The following DCDC2 variants were observed in gnomAD, a reference collection of about 807,000 sequenced individuals.
DCDC2 encodes doublecortin domain containing 2, also known as doublecortin domain-containing protein 2.
Under a neutral mutation model 50.2 loss-of-function variants are expected in DCDC2, and 40 were observed. That is an observed-to-expected ratio of 0.80 (90% CI 0.62 to 1.04). The LOEUF (loss-of-function observed/expected upper bound fraction) is 1.04. DCDC2 is among the 50% of genes least tolerant of loss of function. The pLI is 0.00. For synonymous variants in DCDC2, 234 were observed against 210.6 expected, an observed-to-expected ratio of 1.11 and a Z score of -0.96; for missense variants, 570 against 581.9, an observed-to-expected ratio of 0.98 and a Z score of 0.21.
chr6:24,246,403 G>T lies in DCDC2; in HGVS notation c.922+31646C>A, dbSNP rs548790816. ...ATTCCCCAATCCATTTAAATTGTACGCCATCTTAGATGGTATTCACTTAAT... is the reference window on the plus strand; with the variant it reads ...ATTCCCCAATCCATTTAAATTGTACTCCATCTTAGATGGTATTCACTTAAT... On this transcript the variant is annotated intron_variant, in intron 7 of 9. Transcript: ENST00000378454. Among the ~76,000 whole-genome samples, 9 of 149,240 alleles carry T rather than the reference G, an allele frequency of 6.0e-5. No homozygotes were observed. The South Asian group carries it at 1.9e-3, about 32-fold the overall frequency.
chr6:24,242,011 A>G (rs1561903467), intron 7 of DCDC2, among the ~76,000 whole-genome samples: 1 of 151,766 alleles, frequency 6.6e-6, no homozygotes, highest in East Asian at 1.9e-4. Flanking sequence ...ATCTCTACCA[A>G]TTTTTTTTAA....
At chr6:24,362,366 A>T, upstream of DCDC2, among the ~76,000 whole-genome samples, 1 of 143,066 alleles carries the variant, frequency 7.0e-6, no homozygotes, top group Non-Finnish European at 1.5e-5. Flanking sequence ...TTTTTTATTT[A>T]ATTGTATGTT....
intron 2 of DCDC2, among the ~76,000 whole-genome samples, chr6:24,323,769 A>G (rs1285467294): frequency 6.6e-6 from 1 of 152,200 alleles, no homozygotes; most frequent in African/African-American, 2.4e-5. Flanking sequence ...ACTAGACTAC[A>G]TTTAAGCACT....
At chr6:24,320,963 A>AAT (rs1561773808) in intron 2 of DCDC2, among the ~76,000 whole-genome samples, 66 of 148,548 alleles carry the variant, frequency 4.4e-4, no homozygotes, top group Non-Finnish European at 5.5e-4. Context: ...AAAATTAAAA[A>AAT]AAAAAAAAAA....
At chr6:24,308,572 T>C (rs1036075501) in intron 2 of DCDC2, among the ~76,000 whole-genome samples, 6 of 152,132 alleles carry the variant, frequency 3.9e-5, no homozygotes, top group Non-Finnish European at 2.9e-5. Context: ...GTAGAAAACA[T>C]GACGACCCGT....
chr6:24,271,229 A>G (rs1343758100), intron 7 of DCDC2, among the ~76,000 whole-genome samples: 3 of 143,480 alleles, frequency 2.1e-5, no homozygotes, highest in South Asian at 2.3e-4. Context: ...AAAAAAAGAG[A>G]GAGAGAGAGA....
At chr6:24,231,628 G>A (rs1762338263) in intron 7 of DCDC2, among the ~76,000 whole-genome samples, 1 of 151,940 alleles carries the variant, frequency 6.6e-6, no homozygotes, top group Non-Finnish European at 1.5e-5. Flanking sequence ...ACCTTTATCT[G>A]AAGGGAGTGC....
intron 7 of DCDC2, among the ~76,000 whole-genome samples, chr6:24,210,623 T>C (rs1367052031): frequency 6.6e-6 from 1 of 152,234 alleles, no homozygotes; most frequent in Non-Finnish European, 1.5e-5. Flanking sequence ...CATTATCTGT[T>C]GGATGGGCTG....
At chr6:24,198,925 C>T (rs1761511715) in intron 8 of DCDC2, among the ~76,000 whole-genome samples, 2 of 152,218 alleles carry the variant, frequency 1.3e-5, no homozygotes, top group South Asian at 4.1e-4. Context: ...CACTGTAGCT[C>T]CTCAAAGCCA....
intron 8 of DCDC2, among the ~76,000 whole-genome samples, chr6:24,195,097 G>A (rs1384282117): frequency 6.6e-6 from 1 of 152,120 alleles, no homozygotes; most frequent in African/African-American, 2.4e-5. Context: ...GATGGTACCA[G>A]GAGAGGCTAT....
At chr6:24,257,582 A>C (rs755037585) in intron 7 of DCDC2, among the ~76,000 whole-genome samples, 3 of 152,166 alleles carry the variant, frequency 2.0e-5, no homozygotes, top group Non-Finnish European at 2.9e-5. Flanking sequence ...TCTTAAAGAG[A>C]ATAAAGTTAT....
intron 2 of DCDC2, among the ~76,000 whole-genome samples, chr6:24,346,144 A>T (rs1760249888): frequency 7.6e-6 from 1 of 131,290 alleles, no homozygotes; most frequent in African/African-American, 2.7e-5. Context: ...CTCAAAAGAG[A>T]CTCTGTCTAA....
chr6:24,257,341 A>G (rs1204057169), intron 7 of DCDC2, among the ~76,000 whole-genome samples: 1 of 152,208 alleles, frequency 6.6e-6, no homozygotes, highest in East Asian at 1.9e-4. Flanking sequence ...ACCAAGCCAG[A>G]TGATGGGCTC....
intron 6 of DCDC2, among the ~76,000 whole-genome samples, chr6:24,280,239 G>A (rs1402140352): frequency 6.6e-6 from 1 of 152,238 alleles, no homozygotes; most frequent in African/African-American, 2.4e-5. Context: ...AATGAATTAT[G>A]CATAGGTTTA....
At chr6:24,184,191 C>A (rs868542020) in intron 8 of DCDC2, among the ~76,000 whole-genome samples, 4 of 152,154 alleles carry the variant, frequency 2.6e-5, no homozygotes, top group Non-Finnish European at 5.9e-5. Context: ...CCAAACAAGT[C>A]GCTACAATAA....
At chr6:24,300,634 C>A (rs1759351529) in intron 4 of DCDC2, among the ~76,000 whole-genome samples, 1 of 152,160 alleles carries the variant, frequency 6.6e-6, no homozygotes, top group Admixed American at 6.5e-5. Flanking sequence ...AAACATTAAT[C>A]TGCATACACA....
At chr6:24,274,583 C>T (rs1581624995) in intron 7 of DCDC2, among the ~76,000 whole-genome samples, 1 of 109,806 alleles carries the variant, frequency 9.1e-6, no homozygotes, top group South Asian at 3.1e-4. Flanking sequence ...TTAAGCTTTA[C>T]TATTACAGGG....
chr6:24,230,485 AT>A (rs1443136496), intron 7 of DCDC2, among the ~76,000 whole-genome samples: 1 of 152,066 alleles, frequency 6.6e-6, no homozygotes, highest in African/African-American at 2.4e-5. Context: ...CTACAAAAAA[AT>A]AAATATAATT....
intron 7 of DCDC2, among the ~76,000 whole-genome samples, chr6:24,207,256 T>TCTCTCTCTCTCTCTC (rs1761735602): frequency 6.9e-5 from 9 of 129,690 alleles, no homozygotes; most frequent in Non-Finnish European, 1.0e-4. Context: ...CCATCTATCT[T>TCTCTCTCTCTCTCTC]TCTCTCTCTC....
Sources: allele counts gnomAD v4.1 joint callset (sites outside exome capture counted in the v4.1 genomes callset), GRCh38; gene constraint gnomAD v4.1.1; transcripts MANE v1.5; gene names NCBI Gene and HGNC (gene_info 2026-07-23, HGNC 2026-07-21).